Variants in JAM2 observed in about 807,000 individuals in gnomAD.
The protein encoded by JAM2 is junctional adhesion molecule B.
Under a neutral mutation model 42.0 loss-of-function variants are expected in JAM2, and 17 were observed. The observed-to-expected ratio is 0.40, with a 90% confidence interval of 0.28 to 0.61. The LOEUF is 0.61. JAM2 is among the 20% of genes least tolerant of loss of function. JAM2 has a pLI of 0.37. For missense variants in JAM2, 319 were observed against 358.3 expected, an observed-to-expected ratio of 0.89 and a Z score of 0.89; for synonymous variants, 118 against 128.6, an observed-to-expected ratio of 0.92 and a Z score of 0.56.
rs2829878 is a variant in JAM2 at position 25,714,853 on chromosome 21, C to G, written c.*181C>G. The stretch of plus-strand genomic sequence containing the variant: ...TGCTATTTTAAACAAATAGTTCTGT[C>G]GACACCTAAAATATAATCTGGCTTC... On this transcript the variant is annotated 3_prime_UTR_variant, in exon 10 of 10. Transcript: ENST00000480456. 4.4e-6 allele frequency: 2 copies of G among 454,970 alleles called. No homozygotes were observed. The highest frequency in any genetic ancestry group is 2.1e-5 in the African/African-American group (1 of 48,556). The allele number at this position is 454,970 out of a possible 1,614,324, so 28.2% of individuals were successfully genotyped here.
chr21:25,693,586 A>G (rs2033929945), intron 3 of JAM2, among the ~76,000 whole-genome samples, 170 bp from the exon 4 acceptor site: 2 of 152,194 alleles, frequency 1.3e-5, no homozygotes, highest in Non-Finnish European at 2.9e-5. Context: ...TGTCCTTTCC[A>G]AAAGAAAAAT....
chr21:25,672,148 C>T (rs1279111813), intron 1 of JAM2, among the ~76,000 whole-genome samples: 2 of 150,842 alleles, frequency 1.3e-5, no homozygotes, highest in Non-Finnish European at 3.0e-5. Flanking sequence ...TGGGGTCTTG[C>T]TGTGTTGCCC....
chr21:25,673,475 T>A (rs1330196021), intron 1 of JAM2, among the ~76,000 whole-genome samples: 2 of 152,242 alleles, frequency 1.3e-5, no homozygotes, highest in African/African-American at 2.4e-5. Context: ...ATACACGGTT[T>A]ATTCAAATTA....
At chr21:25,674,522 G>T (rs890091911) in intron 1 of JAM2, among the ~76,000 whole-genome samples, 4 of 152,144 alleles carry the variant, frequency 2.6e-5, no homozygotes, top group African/African-American at 9.7e-5. Context: ...TTAGAAGTTA[G>T]GTTCTTAAGG....
chr21:25,695,992 C>G (rs1327810389), intron 4 of JAM2, among the ~76,000 whole-genome samples: 3 of 152,152 alleles, frequency 2.0e-5, no homozygotes, highest in Non-Finnish European at 4.4e-5. Context: ...GGGTGGCGGC[C>G]AGGCAGAGGC....
chr21:25,711,508 A>T (rs1227120984), intron 8 of JAM2: 1 of 419,136 alleles, frequency 2.4e-6, no homozygotes, highest in Admixed American at 2.9e-5. Flanking sequence ...TCCTTTGAAG[A>T]ATCATCTGCC....
At chr21:25,662,987 G>T (rs2033128132) in intron 1 of JAM2, among the ~76,000 whole-genome samples, 1 of 152,168 alleles carries the variant, frequency 6.6e-6, no homozygotes, top group Non-Finnish European at 1.5e-5. Flanking sequence ...GATAGAGAAG[G>T]TTTGACTCTG....
chr21:25,642,366 T>C (rs2032470570), intron 1 of JAM2, among the ~76,000 whole-genome samples: 1 of 152,206 alleles, frequency 6.6e-6, no homozygotes, highest in Non-Finnish European at 1.5e-5. Context: ...AAATATTTGT[T>C]TTATACTTTG....
intron 1 of JAM2, among the ~76,000 whole-genome samples, chr21:25,648,867 G>T (rs1022290082): frequency 6.6e-6 from 1 of 152,056 alleles, no homozygotes; most frequent in Non-Finnish European, 1.5e-5. Context: ...TACATAAGCT[G>T]GAATTTAATG....
intron 2 of JAM2, among the ~76,000 whole-genome samples, chr21:25,689,425 G>A (rs570432827): frequency 1.3e-5 from 2 of 152,314 alleles, no homozygotes; most frequent in South Asian, 4.1e-4. Flanking sequence ...CTGGTATTCA[G>A]CAACACTGGG....
At chr21:25,683,344 A>C (rs2033679994) in intron 1 of JAM2, among the ~76,000 whole-genome samples, 1 of 152,176 alleles carries the variant, frequency 6.6e-6, no homozygotes, top group African/African-American at 2.4e-5. Context: ...TGGGGAAAAA[A>C]ATAAAGATGT....
intron 3 of JAM2, among the ~76,000 whole-genome samples, chr21:25,691,589 C>T (rs557202612): frequency 6.6e-6 from 1 of 152,282 alleles, no homozygotes; most frequent in South Asian, 2.1e-4. Context: ...ACCATCTTTT[C>T]TTGTGCCGCA....
At position 25,693,147 on chromosome 21, in the gene JAM2, A is replaced by T. The variant is rs2829869; in HGVS notation, c.242-609A>T. On this transcript the variant is annotated intron_variant, in intron 3 of 9. Transcript: ENST00000480456. ...GATTTCAAAATTTTGATTCAGTGAG[A>T]AGTATAAGGTTGAACATAGGCATTA... is the stretch of plus-strand genomic sequence containing the variant. Among the ~76,000 whole-genome samples the T allele has an allele frequency of 5.3e-3, 806 of 152,330 alleles. 2 individuals are homozygous for T. The highest frequency in any genetic ancestry group is 0.017 in the African/African-American group (723 of 41,558).
chr21:25,675,367 A>G (rs545925824), intron 1 of JAM2, among the ~76,000 whole-genome samples: 136 of 152,214 alleles, frequency 8.9e-4, no homozygotes, highest in African/African-American at 3.1e-3. Context: ...ATGGTGGCTC[A>G]TGCTTGTAGT....
rs558952032 is a variant in JAM2 at position 25,665,860 on chromosome 21, GC to G, written c.68-18022del. 7.9e-5 allele frequency among the ~76,000 whole-genome samples: 12 copies of G among 152,160 alleles called. No homozygotes were observed. In the South Asian group the frequency reaches 2.3e-3, roughly 29 times the overall value. On this transcript the variant is annotated intron_variant, in intron 1 of 9. Transcript: ENST00000480456. The stretch of plus-strand genomic sequence containing the variant: ...GTTCGAGAGCAGCTTGGCAAACATG[GC>G]AAAATCCCATCTCTACTAAAATGCA...
intron 1 of JAM2, among the ~76,000 whole-genome samples, chr21:25,645,304 T>C (rs986641526): frequency 5.3e-5 from 8 of 152,262 alleles, no homozygotes; most frequent in Admixed American, 1.3e-4. Flanking sequence ...AACACCTGTA[T>C]TATGTCAGTT....
intron 5 of JAM2, among the ~76,000 whole-genome samples, chr21:25,700,310 G>A (rs1043569417): frequency 1.4e-5 from 2 of 138,038 alleles, no homozygotes; most frequent in Admixed American, 7.0e-5. Context: ...CTATGACAGC[G>A]ATTATCAAAA....
chr21:25,667,109 C>A (rs1304361955), intron 1 of JAM2, among the ~76,000 whole-genome samples: 1 of 152,156 alleles, frequency 6.6e-6, no homozygotes, highest in African/African-American at 2.4e-5. Flanking sequence ...TGCAATTTTA[C>A]CCGTGGCCAA....
intron 1 of JAM2, among the ~76,000 whole-genome samples, chr21:25,653,468 G>T (rs1035840936): frequency 6.6e-6 from 1 of 152,156 alleles, no homozygotes; most frequent in Non-Finnish European, 1.5e-5. Flanking sequence ...AAGAAAAGAG[G>T]TTTAATTGAC....
Sources: gnomAD v4.1 joint callset for allele counts (sites outside exome capture counted in the v4.1 genomes callset) on GRCh38, gnomAD v4.1.1 for gene constraint, MANE v1.5 for transcripts, NCBI Gene and HGNC (gene_info 2026-07-23, HGNC 2026-07-21) for gene names.